Variants in MAGI2 observed in about 807,000 individuals in gnomAD.
MAGI2 encodes membrane-associated guanylate kinase, WW and PDZ domain-containing protein 2.
A neutral mutation model predicts 133.3 loss-of-function variants in MAGI2; 35 were observed. That is an observed-to-expected ratio of 0.26 (90% confidence interval 0.20 to 0.35). The LOEUF (loss-of-function observed/expected upper bound fraction) is 0.35, where lower values mean the gene tolerates loss of function less well. MAGI2 is among the 10% of genes least tolerant of loss of function. The pLI is 1.00. For synonymous variants in MAGI2, 729 were observed against 710.6 expected, an observed-to-expected ratio of 1.03 and a Z score of -0.41; for missense variants, 1,636 against 1,863.4, an observed-to-expected ratio of 0.88 and a Z score of 2.25.
Position 79,137,661 on chromosome 7 carries a change from C to G in MAGI2, c.302-130455G>C, listed in dbSNP as rs377537636. The stretch of plus-strand genomic sequence containing the variant: ...AGAGACGGGGTTTCACTATGTTGGC[C>G]AGGCTGGTCTCGAACTCCTGACCAG... On this transcript the variant is annotated intron_variant, in intron 1 of 21. Coordinates refer to ENST00000354212, the MANE Select transcript of MAGI2 (RefSeq NM_012301.4). Among the ~76,000 whole-genome samples the G allele has an allele frequency of 5.1e-3, 781 of 151,920 alleles. 11 individuals are homozygous for G. Among genetic ancestry groups the G allele is most frequent in the African/African-American group, 0.018 (741 of 41,436 alleles).
At chr7:79,345,334 T>A (rs1033768701) in intron 1 of MAGI2, among the ~76,000 whole-genome samples, 2 of 152,058 alleles carry the variant, frequency 1.3e-5, no homozygotes, top group African/African-American at 2.4e-5. Context: ...GACAGCTAAC[T>A]AGCAGAAGAG....
intron 1 of MAGI2, among the ~76,000 whole-genome samples, chr7:79,164,743 C>G (rs1371933876): frequency 6.6e-6 from 1 of 152,040 alleles, no homozygotes; most frequent in Non-Finnish European, 1.5e-5. Context: ...CTGGACCAAA[C>G]CAATGTATTT....
chr7:79,448,922 A>T (rs1459214536), intron 1 of MAGI2, among the ~76,000 whole-genome samples: 1 of 152,150 alleles, frequency 6.6e-6, no homozygotes, highest in Non-Finnish European at 1.5e-5. Flanking sequence ...TACATGTACC[A>T]GAAAACTACA....
chr7:78,751,566 T>C (rs773654044), intron 2 of MAGI2, among the ~76,000 whole-genome samples: 17 of 152,214 alleles, frequency 1.1e-4, no homozygotes, highest in South Asian at 4.1e-4. Context: ...TACTACTCAA[T>C]TGTGGTATCA....
chr7:79,321,735 A>C (rs1219354324), intron 1 of MAGI2, among the ~76,000 whole-genome samples: 1 of 152,198 alleles, frequency 6.6e-6, no homozygotes, highest in Non-Finnish European at 1.5e-5. Context: ...ATAACTGAAA[A>C]CTCACAAGAA....
At chr7:78,876,232 G>C (rs1336810627) in intron 2 of MAGI2, among the ~76,000 whole-genome samples, 1 of 144,798 alleles carries the variant, frequency 6.9e-6, no homozygotes, top group Non-Finnish European at 1.5e-5. Context: ...CTGAGGCAGA[G>C]AACTGCTTGA....
chr7:78,835,971 C>A (rs1791585803), intron 2 of MAGI2, among the ~76,000 whole-genome samples: 1 of 152,158 alleles, frequency 6.6e-6, no homozygotes, highest in African/African-American at 2.4e-5. Context: ...ACCCACAGAT[C>A]TTTATTTTCT....
intron 2 of MAGI2, among the ~76,000 whole-genome samples, chr7:78,871,725 G>A (rs997685368): frequency 7.2e-5 from 11 of 151,916 alleles, no homozygotes; most frequent in East Asian, 1.9e-4. Context: ...ATTGACTACC[G>A]TTGATGGAAA....
intron 5 of MAGI2, among the ~76,000 whole-genome samples, chr7:78,491,681 C>T (rs1007672730): frequency 6.6e-6 from 1 of 152,040 alleles, no homozygotes; most frequent in African/African-American, 2.4e-5. Context: ...ACACTTTCAT[C>T]TGGTTCTGGC....
chr7:79,014,626 T>C (rs536614707), intron 1 of MAGI2, among the ~76,000 whole-genome samples: 11 of 152,114 alleles, frequency 7.2e-5, no homozygotes, highest in African/African-American at 2.4e-4. Context: ...CTAAATTCAA[T>C]CCATTTTTTT....
intron 2 of MAGI2, among the ~76,000 whole-genome samples, chr7:78,657,608 CAA>C (rs1812445295): frequency 6.8e-6 from 1 of 146,820 alleles, no homozygotes; most frequent in Non-Finnish European, 1.5e-5. Context: ...TTGGGAAAGG[CAA>C]AAGTTTGGCG....
chr7:78,732,409 AG>A (rs1821454258), intron 2 of MAGI2, among the ~76,000 whole-genome samples: 1 of 152,182 alleles, frequency 6.6e-6, no homozygotes, highest in Non-Finnish European at 1.5e-5. Context: ...GATATCAGAT[AG>A]ATTGTGTCCC....
At chr7:79,097,496 G>C (rs1192723728) in intron 1 of MAGI2, among the ~76,000 whole-genome samples, 1 of 152,178 alleles carries the variant, frequency 6.6e-6, no homozygotes, top group Non-Finnish European at 1.5e-5. Context: ...AGTTAGGACA[G>C]GCAGCCAAGA....
In MAGI2 at chr7:78,627,194, T is replaced by C. The variant is rs1808461949; in HGVS notation, c.464A>G (p.Tyr155Cys). ...AAAATCTTCAACAGTGATGAAAATA[T>C]AATCCACTCCAGGGACCTCACCCTC... ...HKEGEVPGVD[Y>C]IFITVEDFME... Residue 155 changes from tyrosine (Y) to cysteine (C), a missense_variant, in exon 3 of 22, where the codon TAT (tyrosine) becomes TGT (cysteine). Around this residue, in one of 5 missense-constraint regions of MAGI2, gnomAD observed 148 missense variants for 239.0 expected, o/e 0.62. Transcript: ENST00000354212. 1 of 1,592,802 alleles carries C rather than the reference T, an allele frequency of 6.3e-7. No individual in the cohort carries two copies. Among genetic ancestry groups the C allele is most frequent in the Non-Finnish European group, 8.6e-7 (1 of 1,169,578 alleles).
chr7:78,053,951 A>G (rs1193240437), intron 21 of MAGI2, among the ~76,000 whole-genome samples: 1 of 149,824 alleles, frequency 6.7e-6, no homozygotes, highest in Non-Finnish European at 1.5e-5. Flanking sequence ...TTTCAAGCAC[A>G]CTTGTACTCC....
intron 6 of MAGI2, among the ~76,000 whole-genome samples, chr7:78,455,276 T>C (rs993128606): frequency 6.6e-6 from 1 of 152,196 alleles, no homozygotes; most frequent in African/African-American, 2.4e-5. Flanking sequence ...TTTAGGAAAC[T>C]TGAATTCAGA....
chr7:79,303,817 C>T (rs960943758), intron 1 of MAGI2, among the ~76,000 whole-genome samples: 2 of 152,084 alleles, frequency 1.3e-5, no homozygotes, highest in African/African-American at 2.4e-5. Flanking sequence ...TAATTAGGAA[C>T]GACATTAAGG....
At chr7:78,641,212 T>C (rs2150988523) in intron 2 of MAGI2, among the ~76,000 whole-genome samples, 1 of 152,308 alleles carries the variant, frequency 6.6e-6, no homozygotes, top group African/African-American at 2.4e-5. Context: ...GGGTATGTTC[T>C]CATAGCAGTG....
chr7:79,347,465 T>A (rs1841404847), intron 1 of MAGI2, among the ~76,000 whole-genome samples: 1 of 151,866 alleles, frequency 6.6e-6, no homozygotes, highest in Admixed American at 6.6e-5. Flanking sequence ...TAAGCAATTT[T>A]TTTTTTGTCT....
Sources: gnomAD v4.1 joint callset for allele counts (sites outside exome capture counted in the v4.1 genomes callset) on GRCh38, gnomAD v4.1.1 for gene constraint, gnomAD v4.1.1 regional missense constraint, MANE v1.5 for transcripts, NCBI Gene and HGNC (gene_info 2026-07-23, HGNC 2026-07-21) for gene names.